PDE1C: variants seen among roughly 807,000 people sequenced by gnomAD.
PDE1C encodes dual specificity calcium/calmodulin-dependent 3',5'-cyclic nucleotide phosphodiesterase 1C.
A neutral mutation model predicts 93.1 loss-of-function variants in PDE1C; 62 were observed. That is an observed-to-expected ratio of 0.67 (90% CI 0.54 to 0.82). The LOEUF (loss-of-function observed/expected upper bound fraction) is 0.82, where lower values mean the gene tolerates loss of function less well. Among genes scored for constraint, PDE1C ranks in the 40% least tolerant of loss-of-function variants. PDE1C has a pLI of 0.00. For missense variants in PDE1C, 742 were observed against 884.6 expected, an observed-to-expected ratio of 0.84 and a Z score of 2.04; for synonymous variants, 325 against 310.1, an observed-to-expected ratio of 1.05 and a Z score of -0.50.
intron 1 of PDE1C, among the ~76,000 whole-genome samples, chr7:32,225,631 A>C (rs939527852): frequency 1.3e-5 from 2 of 152,300 alleles, no homozygotes; most frequent in African/African-American, 4.8e-5. Flanking sequence ...TTGAGTGTCC[A>C]AGGGGAACTA....
chr7:32,050,698 T>C (rs934766694), intron 2 of PDE1C, among the ~76,000 whole-genome samples: 1 of 152,158 alleles, frequency 6.6e-6, no homozygotes, highest in South Asian at 2.1e-4. Flanking sequence ...CTCATTTCAT[T>C]ATTCTATCAT....
intron 16 of PDE1C, among the ~76,000 whole-genome samples, chr7:31,791,077 T>C (rs1403456150): frequency 1.3e-5 from 2 of 152,102 alleles, no homozygotes; most frequent in Admixed American, 6.6e-5. Flanking sequence ...ACAGAGATGT[T>C]AGAAGCCTTT....
chr7:31,720,450 C>T, the PDE1C span, among the ~76,000 whole-genome samples: 66 of 152,238 alleles, frequency 4.3e-4, no homozygotes, highest in African/African-American at 1.5e-3. Flanking sequence ...CCTCCTGTGT[C>T]GAGTGGGATG....
intron 1 of PDE1C, among the ~76,000 whole-genome samples, chr7:32,374,156 GAAAGAGAAAGAAAGAAAGAAAGA>G (rs1452067910): frequency 1.9e-5 from 1 of 53,736 alleles, no homozygotes; most frequent in Non-Finnish European, 3.6e-5. Flanking sequence ...ATGAAAGAAA[GAAAGAGAAAGAAAGAAAGAAAGA>G]AAGAAAGAAA....
At chr7:32,275,161 C>T (rs1027635884) in intron 1 of PDE1C, among the ~76,000 whole-genome samples, 3 of 152,184 alleles carry the variant, frequency 2.0e-5, no homozygotes, top group African/African-American at 7.2e-5. Flanking sequence ...GGGGCTTCCC[C>T]TAAAGATGCT....
chr7:32,049,514 T>C (rs149573876), intron 2 of PDE1C, among the ~76,000 whole-genome samples: 93 of 152,146 alleles, frequency 6.1e-4, no homozygotes, highest in Middle Eastern at 3.4e-3. Context: ...CTGGCCCAAA[T>C]AGAAACAGAA....
the PDE1C span, among the ~76,000 whole-genome samples, chr7:31,691,728 TACC>T: frequency 2.7e-5 from 4 of 145,634 alleles, no homozygotes; most frequent in Non-Finnish European, 6.0e-5. Context: ...ACCATGTTTC[TACC>T]ACCATCATAA....
intron 1 of PDE1C, among the ~76,000 whole-genome samples, chr7:32,319,983 C>A (rs1008837661): frequency 6.6e-6 from 1 of 152,166 alleles, no homozygotes; most frequent in African/African-American, 2.4e-5. Context: ...CAGAGTCCCA[C>A]GGTCTTAGGG....
chr7:32,131,606 C>T (rs1404913589), intron 3 of PDE1C, among the ~76,000 whole-genome samples: 1 of 152,086 alleles, frequency 6.6e-6, no homozygotes, highest in Non-Finnish European at 1.5e-5. Flanking sequence ...GGATAATTTA[C>T]TTATATTGAA....
chr7:32,405,478 T>C (rs1158192312), intron 1 of PDE1C, among the ~76,000 whole-genome samples: 1 of 152,188 alleles, frequency 6.6e-6, no homozygotes, highest in East Asian at 1.9e-4. Context: ...CTTGAACTCC[T>C]GACCTCAGGT....
intron 14 of PDE1C, among the ~76,000 whole-genome samples, chr7:31,822,325 C>T (rs1293265693): frequency 6.6e-6 from 1 of 152,050 alleles, no homozygotes; most frequent in Non-Finnish European, 1.5e-5. Flanking sequence ...CAGTGTCAGA[C>T]CCCTTATCTC....
rs1192834272 is a variant in PDE1C, at chr7:31,751,984, T to C, written c.*1400A>G. 1 of 152,180 alleles carries C rather than the reference T, an allele frequency of 6.6e-6. No homozygotes were observed. The highest frequency in any genetic ancestry group is 2.1e-4 in the South Asian group (1 of 4,820). The allele number at this position is 152,180 out of a possible 1,614,324, so 9.4% of individuals were successfully genotyped here. A position where few individuals can be genotyped will look rare whatever the true frequency, so the allele number is the denominator to read the frequency against. ...ATGAAATGCTCTTAGCTACTTCTGT[T>C]ATGCACCTATTACTGGCCAGGCTCA... On this transcript the variant is annotated 3_prime_UTR_variant, in exon 18 of 18. Coordinates refer to ENST00000396191, the MANE Select transcript of PDE1C (RefSeq NM_001191057.4).
intron 1 of PDE1C, among the ~76,000 whole-genome samples, chr7:32,424,375 A>C (rs1454629967): frequency 6.6e-6 from 1 of 152,218 alleles, no homozygotes; most frequent in Non-Finnish European, 1.5e-5. Flanking sequence ...AGTAATACCC[A>C]AGGTGACAGT....
At chr7:31,824,066 T>C (rs1039361084) in intron 13 of PDE1C, among the ~76,000 whole-genome samples, 7 of 152,134 alleles carry the variant, frequency 4.6e-5, no homozygotes, top group African/African-American at 1.7e-4. Flanking sequence ...TCCCCTGTCC[T>C]AACGCCTGTC....
chr7:32,344,180 CCTT>C (rs1420268033), intron 1 of PDE1C, among the ~76,000 whole-genome samples: 1 of 152,112 alleles, frequency 6.6e-6, no homozygotes, highest in African/African-American at 2.4e-5. Context: ...CTCAAGGAAT[CCTT>C]CTGCTTCAGC....
At chr7:32,376,827 A>G (rs1784440540) in intron 1 of PDE1C, among the ~76,000 whole-genome samples, 1 of 152,066 alleles carries the variant, frequency 6.6e-6, no homozygotes, top group South Asian at 2.1e-4. Flanking sequence ...AGCTGGGACT[A>G]CGGGCGCCCG....
rs146558729 is a variant in PDE1C, at chr7:32,421,450, G to A, written c.310+6372C>T. 1.4e-3 allele frequency among the ~76,000 whole-genome samples: 210 copies of A among 152,358 alleles called. 1 individual carries two copies. Among genetic ancestry groups the A allele is most frequent in the African/African-American group, 4.7e-3 (194 of 41,588 alleles). On this transcript the variant is annotated intron_variant, in intron 1 of 1. Coordinates refer to the PDE1C transcript ENST00000672256. ...GTAACCAATATTGACTAAATGACTAGCAAGTCCCAAGGCATGTGCCAAGTA... is the reference window on the plus strand; with the variant it reads ...GTAACCAATATTGACTAAATGACTAACAAGTCCCAAGGCATGTGCCAAGTA...
chr7:32,299,387 C>T, upstream of PDE1C: 1 of 985,582 alleles, frequency 1.0e-6, no homozygotes, highest in Non-Finnish European at 1.2e-6. Flanking sequence ...GGCCTGGAGC[C>T]CCGATAGTGT....
upstream of PDE1C, among the ~76,000 whole-genome samples, chr7:32,299,943 T>C (rs1368948065): frequency 3.9e-5 from 6 of 152,222 alleles, no homozygotes; most frequent in African/African-American, 1.4e-4. Context: ...CTACAATTAA[T>C]TTAGCCTCAT....
Sources: allele counts gnomAD v4.1 joint callset (sites outside exome capture counted in the v4.1 genomes callset), GRCh38; gene constraint gnomAD v4.1.1; transcripts MANE v1.5; gene names NCBI Gene and HGNC (gene_info 2026-07-23, HGNC 2026-07-21).